Variants in RPS6KC1 observed in about 807,000 individuals in gnomAD.
RPS6KC1 encodes the protein inactive ribosomal protein S6 kinase delta-1.
Under a neutral mutation model 103.8 loss-of-function variants are expected in RPS6KC1, and 54 were observed. That is an observed-to-expected ratio of 0.52 (90% CI 0.42 to 0.65). The LOEUF (loss-of-function observed/expected upper bound fraction) is 0.65, where lower values mean the gene tolerates loss of function less well. Among genes scored for constraint, RPS6KC1 ranks in the 30% least tolerant of loss-of-function variants. The pLI is 0.00. For synonymous variants in RPS6KC1, 439 were observed against 438.7 expected (o/e 1.00, Z -0.01); for missense variants, 1,151 against 1,253.8 (o/e 0.92, Z 1.24).
chr1:213,777,589 A>G, the RPS6KC1 span, among the ~76,000 whole-genome samples: 1 of 152,164 alleles, frequency 6.6e-6, no homozygotes, highest in Non-Finnish European at 1.5e-5. Context: ...AAAAAATGGC[A>G]CCAATATTCT....
intron 1 of RPS6KC1, among the ~76,000 whole-genome samples, chr1:213,069,106 G>A (rs761946430): frequency 6.6e-6 from 1 of 152,132 alleles, no homozygotes; most frequent in Non-Finnish European, 1.5e-5. Flanking sequence ...TAAAATTAAT[G>A]TAGTTTCTCA....
the RPS6KC1 span, among the ~76,000 whole-genome samples, chr1:213,294,581 C>T: frequency 6.6e-6 from 1 of 152,094 alleles, no homozygotes; most frequent in Admixed American, 6.5e-5. Flanking sequence ...TGTGGGACAA[C>T]ACCTATTAAA....
the RPS6KC1 span, among the ~76,000 whole-genome samples, chr1:213,501,425 A>G: frequency 1.3e-5 from 2 of 152,242 alleles, no homozygotes; most frequent in Non-Finnish European, 2.9e-5. Context: ...AGAAGCAAAT[A>G]TATATAAATG....
At chr1:213,386,315 C>T in the RPS6KC1 span, among the ~76,000 whole-genome samples, 1 of 152,210 alleles carries the variant, frequency 6.6e-6, no homozygotes, top group South Asian at 2.1e-4. Context: ...AAAAAAACCC[C>T]TCTTTTTCTT....
At chr1:213,408,920 T>C in the RPS6KC1 span, among the ~76,000 whole-genome samples, 6 of 152,204 alleles carry the variant, frequency 3.9e-5, no homozygotes, top group Non-Finnish European at 8.8e-5. Context: ...GGTAGAGAAC[T>C]ATCGCATCTC....
the RPS6KC1 span, among the ~76,000 whole-genome samples, chr1:213,755,981 A>G: frequency 1.1e-4 from 16 of 152,190 alleles, no homozygotes; most frequent in Admixed American, 2.6e-4. Context: ...CATCCCCTCC[A>G]GCACTACCTC....
At chr1:213,220,012 T>TA (rs1558567268) in intron 8 of RPS6KC1, among the ~76,000 whole-genome samples, 1 of 151,928 alleles carries the variant, frequency 6.6e-6, no homozygotes, top group Admixed American at 6.6e-5. Flanking sequence ...TATAATAATT[T>TA]AAAAAAACCC....
At chr1:213,277,535 A>C (rs1232236278), downstream of RPS6KC1, among the ~76,000 whole-genome samples, 1 of 152,238 alleles carries the variant, frequency 6.6e-6, no homozygotes, top group African/African-American at 2.4e-5. Flanking sequence ...TTCTTTATTC[A>C]TCTGGATTTA....
the RPS6KC1 span, among the ~76,000 whole-genome samples, chr1:213,469,995 A>G: frequency 1.3e-5 from 2 of 152,162 alleles, no homozygotes; most frequent in African/African-American, 4.8e-5. Flanking sequence ...CCTGGGTGAC[A>G]GAGAGACCTG....
the RPS6KC1 span, among the ~76,000 whole-genome samples, chr1:213,760,391 G>T: frequency 6.6e-6 from 1 of 152,136 alleles, no homozygotes; most frequent in Non-Finnish European, 1.5e-5. Flanking sequence ...TGCTGCTGCC[G>T]GTCCCTGCCC....
the RPS6KC1 span, among the ~76,000 whole-genome samples, chr1:213,619,378 G>A: frequency 6.6e-6 from 1 of 152,142 alleles, no homozygotes; most frequent in Non-Finnish European, 1.5e-5. Flanking sequence ...TCCGAACCAG[G>A]TTACCTGGCT....
At chr1:213,347,900 A>G in the RPS6KC1 span, among the ~76,000 whole-genome samples, 1 of 152,190 alleles carries the variant, frequency 6.6e-6, no homozygotes, top group African/African-American at 2.4e-5. Flanking sequence ...CAGTATGGCA[A>G]TAGGACATAG....
At chr1:213,627,222 C>CTGTT in the RPS6KC1 span, among the ~76,000 whole-genome samples, 1 of 146,982 alleles carries the variant, frequency 6.8e-6, no homozygotes, top group Non-Finnish European at 1.5e-5. Flanking sequence ...ATTTCGCTCT[C>CTGTT]TGTCTGTTAT....
chr1:213,329,994 G>T, the RPS6KC1 span, among the ~76,000 whole-genome samples: 1 of 152,206 alleles, frequency 6.6e-6, no homozygotes, highest in Non-Finnish European at 1.5e-5. Flanking sequence ...GTGCGGAAAA[G>T]CTCCCGCCAC....
chr1:213,290,422 T>C, the RPS6KC1 span, among the ~76,000 whole-genome samples: 1 of 152,168 alleles, frequency 6.6e-6, no homozygotes, highest in Non-Finnish European at 1.5e-5. Context: ...TGAACAGCTA[T>C]ATTTTTAAAA....
chr1:213,230,552 A>G lies in RPS6KC1; in HGVS notation c.1092+8A>G. On this transcript the variant is annotated splice_region_variant and intron_variant, in intron 9 of 14. Transcript: ENST00000366960. ...CAGACTTTCATTTTAAAAGTAAGTA[A>G]AATTTGTAGCCAGGCGCGGTGCCTA... is the stretch of plus-strand genomic sequence containing the variant. The G allele has an allele frequency of 1.9e-6, 3 of 1,603,956 alleles. No individual in the cohort carries two copies. Among genetic ancestry groups the G allele is most frequent in the Non-Finnish European group, 2.6e-6 (3 of 1,174,566 alleles).
At chr1:213,157,572 T>A (rs2090039586) in intron 6 of RPS6KC1, among the ~76,000 whole-genome samples, 1 of 152,224 alleles carries the variant, frequency 6.6e-6, no homozygotes, top group Non-Finnish European at 1.5e-5. Flanking sequence ...TTAAATTATT[T>A]TACATTTATT....
intron 7 of RPS6KC1, among the ~76,000 whole-genome samples, chr1:213,168,764 A>G (rs984018596): frequency 2.1e-4 from 32 of 152,098 alleles, no homozygotes; most frequent in African/African-American, 7.5e-4. Flanking sequence ...CTGGGACTAC[A>G]GGCACCCACC....
At chr1:213,533,013 C>A in the RPS6KC1 span, among the ~76,000 whole-genome samples, 3 of 152,136 alleles carry the variant, frequency 2.0e-5, no homozygotes, top group African/African-American at 7.2e-5. Context: ...TTACACAGGA[C>A]CCTAATGCCA....
Sources: allele counts gnomAD v4.1 joint callset (sites outside exome capture counted in the v4.1 genomes callset), GRCh38; gene constraint gnomAD v4.1.1; transcripts MANE v1.5; gene names NCBI Gene and HGNC (gene_info 2026-07-23, HGNC 2026-07-21).